Variants in EVA1C observed in about 807,000 individuals in gnomAD.
EVA1C encodes protein eva-1 homolog C.
EVA1C carries 25 observed loss-of-function variants against 45.4 expected under a neutral mutation model. That is an observed-to-expected ratio of 0.55 (90% confidence interval 0.40 to 0.77). The LOEUF is 0.77. Among genes scored for constraint, EVA1C ranks in the 30% least tolerant of loss-of-function variants. The pLI, the probability that EVA1C is intolerant of heterozygous loss-of-function variation, is 0.00. For synonymous variants in EVA1C, 190 were observed against 221.2 expected (o/e 0.86, Z 1.25); for missense variants, 479 against 554.8 (o/e 0.86, Z 1.37).
intron 1 of EVA1C, among the ~76,000 whole-genome samples, chr21:32,447,312 T>C (rs1412053238): frequency 6.7e-6 from 1 of 149,176 alleles, no homozygotes; most frequent in Non-Finnish European, 1.5e-5. Flanking sequence ...GAGGTTGCAG[T>C]CAACCAAAAT....
At chr21:32,421,387 G>A (rs1013371436) in intron 1 of EVA1C, among the ~76,000 whole-genome samples, 1 of 152,156 alleles carries the variant, frequency 6.6e-6, no homozygotes, top group African/African-American at 2.4e-5. Flanking sequence ...AAAGGTGGAT[G>A]TAAAACAAAT....
intron 1 of EVA1C, among the ~76,000 whole-genome samples, chr21:32,441,803 G>A (rs2035184838): frequency 6.6e-6 from 1 of 152,128 alleles, no homozygotes; most frequent in South Asian, 2.1e-4. Flanking sequence ...GGAGATAATT[G>A]GGTGACTATT....
At chr21:32,487,331 G>A (rs1182620887) in intron 4 of EVA1C, among the ~76,000 whole-genome samples, 1 of 152,142 alleles carries the variant, frequency 6.6e-6, no homozygotes, top group Non-Finnish European at 1.5e-5. Context: ...AATGGTCAAT[G>A]ACTTAATCAA....
chr21:32,414,655 C>T (rs1043585134), intron 1 of EVA1C, among the ~76,000 whole-genome samples: 14 of 152,170 alleles, frequency 9.2e-5, no homozygotes, highest in African/African-American at 3.1e-4. Flanking sequence ...GAGCTATCAA[C>T]TCCTTAGTAA....
chr21:32,461,163 G>C (rs2035983653), intron 3 of EVA1C, among the ~76,000 whole-genome samples: 1 of 152,254 alleles, frequency 6.6e-6, no homozygotes. Context: ...ACGGAAGCCT[G>C]TGGCTGCGGG....
At position 32,453,346 on chromosome 21, in the gene EVA1C, C is replaced by T. The variant is rs1484740860; in HGVS notation, c.195C>T (p.Thr65=). The T allele has an allele frequency of 6.2e-7, 1 of 1,608,476 alleles. No individual in the cohort carries two copies. The highest frequency in any genetic ancestry group is 1.1e-5 in the South Asian group (1 of 90,814). The change falls in exon 2 of 8, where the codon ACC becomes ACT. Residue 65 remains threonine (T), a synonymous_variant. Transcript: ENST00000300255. ...YLTKLLQNHT[T]YACDGDYLNL... Reference sequence around the variant, plus strand: ...CCAAACTCCTGCAAAACCACACCACCTATGCCTGTGATGGGGACTATTTGA... The same window carrying T: ...CCAAACTCCTGCAAAACCACACCACTTATGCCTGTGATGGGGACTATTTGA...
At chr21:32,417,485 C>T (rs1288174464) in intron 1 of EVA1C, among the ~76,000 whole-genome samples, 1 of 152,134 alleles carries the variant, frequency 6.6e-6, no homozygotes, top group East Asian at 1.9e-4. Flanking sequence ...CATGTAGTCA[C>T]CTATTTAAAG....
rs369973795 is a variant in EVA1C, at chr21:32,503,963, G to A, written c.897G>A (p.Arg299=). 1.9e-6 allele frequency: 3 copies of A among 1,611,742 alleles called. No homozygotes were observed. The highest frequency in any genetic ancestry group is 2.5e-6 in the Non-Finnish European group (3 of 1,179,742). Residue 299 remains arginine (R), a synonymous_variant, in exon 7 of 8, where the codon AGG becomes AGA. Transcript: ENST00000300255. ...ACCCAAGCGGATCGAAGGTTCTGAG[G>A]AAAGATGGAATTCTTGTTAGCAACT... ...NFDPSGSKVL[R]KDGILVSNSL...
At chr21:32,503,847 T>C (rs1053311823) in intron 6 of EVA1C, 79 bp from the exon 7 acceptor site, 19 of 879,414 alleles carry the variant, frequency 2.2e-5, no homozygotes, top group Non-Finnish European at 8.8e-6. Flanking sequence ...GTCCCTGGGG[T>C]AGGAGCAGCA....
At chr21:32,473,863 G>A in intron 4 of EVA1C, 1 of 967,864 alleles carries the variant, frequency 1.0e-6, no homozygotes, top group Non-Finnish European at 1.2e-6. Context: ...ATGTGAGGCT[G>A]AGGGCCAGAT....
intron 1 of EVA1C, among the ~76,000 whole-genome samples, chr21:32,449,922 C>T (rs779917501): frequency 4.6e-5 from 7 of 152,018 alleles, no homozygotes; most frequent in East Asian, 1.9e-4. Flanking sequence ...CACAACTGGC[C>T]GGGCCTAGGT....
At chr21:32,493,784 T>G (rs1031441701) in intron 4 of EVA1C, 479 of 150,170 alleles carry the variant, frequency 3.2e-3, no homozygotes, top group African/African-American at 0.011. Flanking sequence ...ATTTATTTAT[T>G]TATTTATTTA....
chr21:32,475,048 T>G (rs1335759358), intron 4 of EVA1C, among the ~76,000 whole-genome samples: 1 of 152,130 alleles, frequency 6.6e-6, no homozygotes, highest in East Asian at 1.9e-4. Flanking sequence ...GGTGGGATGA[T>G]TATGTGAGAG....
chr21:32,508,806 C>T (rs116594445), intron 7 of EVA1C, among the ~76,000 whole-genome samples: 2,089 of 152,274 alleles, frequency 0.014, 66 homozygotes, highest in African/African-American at 0.047. Context: ...TGCATTTGCC[C>T]CAAGTCAGGA....
chr21:32,418,347 A>G lies in EVA1C; in HGVS notation c.160+5334A>G, dbSNP rs563002881. Among the ~76,000 whole-genome samples the G allele has an allele frequency of 5.3e-5, 8 of 152,322 alleles. No homozygotes were observed. In the South Asian group the frequency reaches 1.7e-3, roughly 32 times the overall value. On this transcript the variant is annotated intron_variant, in intron 1 of 7. Coordinates refer to ENST00000300255, the MANE Select transcript of EVA1C (RefSeq NM_058187.5). ...TGTCTGAATCTGCTCATCTGTTTCC[A>G]TGGAAAGTGACTACATCTGAAAAGT...
chr21:32,442,124 G>A (rs1041708807), intron 1 of EVA1C, among the ~76,000 whole-genome samples: 1 of 152,204 alleles, frequency 6.6e-6, no homozygotes, highest in African/African-American at 2.4e-5. Context: ...GTGTGCTCGG[G>A]AAGAAAATAT....
intron 1 of EVA1C, among the ~76,000 whole-genome samples, chr21:32,430,288 C>T (rs1441025806): frequency 4.6e-5 from 7 of 152,122 alleles, no homozygotes; most frequent in Non-Finnish European, 7.4e-5. Context: ...CCCAAGAACC[C>T]TCCCAGAATT....
chr21:32,460,181 T>C (rs569206957), intron 3 of EVA1C, among the ~76,000 whole-genome samples: 1 of 152,258 alleles, frequency 6.6e-6, no homozygotes, highest in African/African-American at 2.4e-5. Context: ...GGCGGTTCTA[T>C]CGTGGGTGGT....
intron 1 of EVA1C, among the ~76,000 whole-genome samples, chr21:32,451,814 T>G (rs1007589405): frequency 6.6e-6 from 1 of 152,176 alleles, no homozygotes; most frequent in Non-Finnish European, 1.5e-5. Context: ...ACACCGGTTA[T>G]ATGGTGTTAA....
Sources: allele counts gnomAD v4.1 joint callset (sites outside exome capture counted in the v4.1 genomes callset), GRCh38; gene constraint gnomAD v4.1.1; transcripts MANE v1.5; gene names NCBI Gene and HGNC (gene_info 2026-07-23, HGNC 2026-07-21).